The following DNAH12 variants were observed in gnomAD, a reference collection of about 807,000 sequenced individuals.
DNAH12 encodes dynein axonemal heavy chain 12.
In DNAH12, 285 loss-of-function variants were observed where a neutral mutation model predicts 371.5. That is an observed-to-expected ratio of 0.77 (90% CI 0.70 to 0.85). The LOEUF (loss-of-function observed/expected upper bound fraction) is 0.85, where lower values mean the gene tolerates loss of function less well. Among genes scored for constraint, DNAH12 ranks in the 40% least tolerant of loss-of-function variants. DNAH12 has a pLI of 0.00. For missense variants in DNAH12, 3,611 were observed against 3,689.4 expected, an observed-to-expected ratio of 0.98 and a Z score of 0.55; for synonymous variants, 1,200 against 1,213.0, an observed-to-expected ratio of 0.99 and a Z score of 0.22.
intron 14 of DNAH12, 138 bp downstream of exon 14, chr3:57,472,408 A>T: frequency 1.9e-6 from 2 of 1,058,004 alleles, no homozygotes; most frequent in East Asian, 2.7e-5. Context: ...AGAGGGCCAT[A>T]AGTGTGGCCA....
chr3:57,509,794 G>A (rs1239395799), intron 5 of DNAH12, among the ~76,000 whole-genome samples: 1 of 149,466 alleles, frequency 6.7e-6, no homozygotes, highest in African/African-American at 2.5e-5. Context: ...CCTGGGAGGT[G>A]GAGGTTGCAG....
At chr3:57,475,836 G>A (rs1041433544) in intron 13 of DNAH12, among the ~76,000 whole-genome samples, 7 of 152,140 alleles carry the variant, frequency 4.6e-5, no homozygotes, top group Admixed American at 4.6e-4. Flanking sequence ...GCTAATAGGA[G>A]TCTAAAACTG....
chr3:57,529,521 A>C (rs1017164263), intron 2 of DNAH12, among the ~76,000 whole-genome samples: 1 of 152,182 alleles, frequency 6.6e-6, no homozygotes, highest in Non-Finnish European at 1.5e-5. Flanking sequence ...ATTTATTGGC[A>C]TACAGTTGCT....
intron 60 of DNAH12, among the ~76,000 whole-genome samples, chr3:57,346,927 A>G (rs1553658237): frequency 6.6e-6 from 1 of 152,184 alleles, no homozygotes; most frequent in Admixed American, 6.5e-5. Flanking sequence ...GAAAACAGAT[A>G]ATATGAATAG....
At chr3:57,483,950 C>CAA (rs71088079) in intron 12 of DNAH12, among the ~76,000 whole-genome samples, 11,674 of 63,702 alleles carry the variant, frequency 0.18, 1,981 homozygotes, top group African/African-American at 0.33. Flanking sequence ...GACCCTGTCT[C>CAA]AAAAAAAAAA....
intron 2 of DNAH12, among the ~76,000 whole-genome samples, chr3:57,542,300 C>T (rs11710446): frequency 1.3e-5 from 2 of 152,020 alleles, no homozygotes; most frequent in South Asian, 4.1e-4. Context: ...CTTTCAGGGA[C>T]CAGTATGGTT....
intron 34 of DNAH12, among the ~76,000 whole-genome samples, chr3:57,427,001 A>C (rs1343963425): frequency 1.3e-5 from 2 of 152,156 alleles, no homozygotes; most frequent in South Asian, 2.1e-4. Flanking sequence ...GACACTATAC[A>C]GAATCTTCAT....
chr3:57,334,515 G>A lies in DNAH12; in HGVS notation c.9928C>T (p.Leu3310=), dbSNP rs1002575039. Residue 3310 remains leucine, a synonymous_variant, in exon 62 of 74, where the codon CTA becomes TTA. Coordinates refer to ENST00000495027, the MANE Select transcript of DNAH12 (RefSeq NM_001366028.2). ...ATTATTATTTTCTGTAGTTCATTTA[G>A]GTTCTTATCCATTGGTGCTGGAAAT... ...AKFPAPMDKN[L]NELQKIIILR... is the part of the protein sequence containing the mutation. The A allele has an allele frequency of 5.2e-6, 8 of 1,550,662 alleles. No homozygotes were observed. The East Asian group carries it at 1.5e-4, about 28-fold the overall frequency.
At chr3:57,484,642 G>T (rs577736057) in intron 12 of DNAH12, among the ~76,000 whole-genome samples, 45 of 152,120 alleles carry the variant, frequency 3.0e-4, no homozygotes, top group African/African-American at 1.1e-3. Context: ...AAGAATCCAT[G>T]ACTAAGACCT....
chr3:57,471,217 G>T (rs2066356324), intron 15 of DNAH12, among the ~76,000 whole-genome samples: 1 of 151,626 alleles, frequency 6.6e-6, no homozygotes. Flanking sequence ...AGCCGGGCAT[G>T]GTGGCACATG....
chr3:57,295,234 G>A (rs1042968073), intron 73 of DNAH12, among the ~76,000 whole-genome samples: 1 of 152,110 alleles, frequency 6.6e-6, no homozygotes, highest in Non-Finnish European at 1.5e-5. Flanking sequence ...AAATATGGAT[G>A]GGCAGCTGTT....
rs754951868 is a variant in DNAH12 at position 57,446,590 on chromosome 3, G to A, written c.3886C>T (p.Gln1296Ter). Residue 1296 changes from glutamine to a stop codon, truncating the protein, a stop_gained, in exon 26 of 74, where the codon CAG becomes TAG. Coordinates refer to ENST00000495027, the MANE Select transcript of DNAH12 (RefSeq NM_001366028.2). LOFTEE classifies it high-confidence loss of function. ...TKDLAKALAV[Q>*]CVVFNCSDGL... is the part of the protein sequence containing the mutation. ...TCAGAACAGTTGAACACCACACACT[G>A]TACAGCAAGAGCTTTAGCCAAGTCC... The A allele has an allele frequency of 2.1e-5, 33 of 1,550,492 alleles. No homozygotes were observed. The highest frequency in any genetic ancestry group is 2.8e-5 in the Non-Finnish European group (32 of 1,146,424).
intron 2 of DNAH12, among the ~76,000 whole-genome samples, chr3:57,536,721 A>G (rs546802654): frequency 1.3e-5 from 2 of 152,312 alleles, no homozygotes; most frequent in African/African-American, 4.8e-5. Context: ...AGTTGGCACT[A>G]GTCATAGTTA....
intron 9 of DNAH12, among the ~76,000 whole-genome samples, 193 bp downstream of exon 9, chr3:57,503,823 G>C (rs2067648459): frequency 6.6e-6 from 1 of 152,088 alleles, no homozygotes; most frequent in African/African-American, 2.4e-5. Context: ...ATAGCTACAA[G>C]AAAAGTTCTA....
At chr3:57,404,098 T>C (rs2063952321) in intron 42 of DNAH12, among the ~76,000 whole-genome samples, 2 of 152,160 alleles carry the variant, frequency 1.3e-5, no homozygotes, top group South Asian at 4.1e-4. Context: ...ATAATCCCAC[T>C]TATAGGAAAA....
intron 52 of DNAH12, among the ~76,000 whole-genome samples, chr3:57,377,552 T>C (rs1298399039): frequency 6.6e-6 from 1 of 151,722 alleles, no homozygotes; most frequent in Admixed American, 6.6e-5. Context: ...GAAAAACATA[T>C]AACATGAAAT....
At chr3:57,527,357 T>G (rs1001171794) in intron 2 of DNAH12, among the ~76,000 whole-genome samples, 5 of 152,144 alleles carry the variant, frequency 3.3e-5, no homozygotes, top group African/African-American at 1.2e-4. Context: ...AGGAAATTTT[T>G]TAAAAAGAGA....
chr3:57,308,770 T>C (rs1469929745), intron 69 of DNAH12, among the ~76,000 whole-genome samples: 2 of 152,224 alleles, frequency 1.3e-5, no homozygotes, highest in Non-Finnish European at 2.9e-5. Flanking sequence ...CCTCAGGCAC[T>C]CTCTAATTAG....
chr3:57,345,965 T>C (rs2062531873), intron 60 of DNAH12, among the ~76,000 whole-genome samples: 2 of 152,092 alleles, frequency 1.3e-5, no homozygotes, highest in South Asian at 4.1e-4. Flanking sequence ...TAAAAATCTG[T>C]GTATAAGTGG....
Sources: gnomAD v4.1 joint callset for allele counts (sites outside exome capture counted in the v4.1 genomes callset) on GRCh38, gnomAD v4.1.1 for gene constraint, MANE v1.5 for transcripts, NCBI Gene and HGNC (gene_info 2026-07-23, HGNC 2026-07-21) for gene names.